The following TOM1L2 variants were observed in gnomAD, a reference collection of about 807,000 sequenced individuals.
TOM1L2 encodes target of myb1 like 2 membrane trafficking protein.
A neutral mutation model predicts 67.9 loss-of-function variants in TOM1L2; 31 were observed. That is an observed-to-expected ratio of 0.46 (90% confidence interval 0.34 to 0.62). The LOEUF (loss-of-function observed/expected upper bound fraction) is 0.62. TOM1L2 is among the 20% of genes least tolerant of loss of function. The pLI is 0.01. For missense variants in TOM1L2, 606 were observed against 663.5 expected (o/e 0.91, Z 0.95); for synonymous variants, 256 against 254.0 (o/e 1.01, Z -0.07).
chr17:17,955,881 A>C (rs1718995624), intron 1 of TOM1L2, among the ~76,000 whole-genome samples: 1 of 151,996 alleles, frequency 6.6e-6, no homozygotes, highest in African/African-American at 2.4e-5. Context: ...GAAGCTGCAG[A>C]CCTTCGCGGT....
intron 1 of TOM1L2, among the ~76,000 whole-genome samples, chr17:17,914,186 A>G (rs1406189702): frequency 3.3e-5 from 5 of 152,184 alleles, no homozygotes; most frequent in Admixed American, 3.3e-4. Flanking sequence ...AGCTGCAGGA[A>G]GAGCAGGGGC....
Position 17,866,303 on chromosome 17 carries a change from T to C in TOM1L2, c.1077A>G (p.Ala359=). 1 of 1,612,688 alleles carries C rather than the reference T, an allele frequency of 6.2e-7. No homozygotes were observed. The highest frequency in any genetic ancestry group is 8.5e-7 in the Non-Finnish European group (1 of 1,179,476). Residue 359 remains alanine (A), a synonymous_variant, in exon 10 of 15, where the codon GCA becomes GCG. Coordinates refer to ENST00000379504, the MANE Select transcript of TOM1L2 (RefSeq NM_001082968.2). The stretch of plus-strand genomic sequence containing the variant: ...TCCCTGTGAGACACTCACCTAAGCC[T>C]GCAAGCTGGGAGGAGAGGGAAGATG... The part of the protein sequence containing the change: ...APPSSLSSQL[A]GLDLGTESVS...
chr17:17,965,640 C>T (rs2041847277), intron 1 of TOM1L2, among the ~76,000 whole-genome samples: 1 of 152,216 alleles, frequency 6.6e-6, no homozygotes, highest in Non-Finnish European at 1.5e-5. Flanking sequence ...AGCTCCCTCA[C>T]TGCTAGCTGT....
At chr17:17,950,582 C>T (rs1197879042) in intron 1 of TOM1L2, among the ~76,000 whole-genome samples, 8 of 152,118 alleles carry the variant, frequency 5.3e-5, no homozygotes. Flanking sequence ...TGCTCCCATT[C>T]TAATGAGAGT....
chr17:17,937,839 C>G (rs931285711), intron 1 of TOM1L2, among the ~76,000 whole-genome samples: 5 of 152,200 alleles, frequency 3.3e-5, no homozygotes, highest in African/African-American at 1.2e-4. Context: ...GGTTAGCACT[C>G]CACACTGGGC....
chr17:17,894,350 A>G (rs1306750533), intron 3 of TOM1L2, among the ~76,000 whole-genome samples: 1 of 152,188 alleles, frequency 6.6e-6, no homozygotes, highest in Non-Finnish European at 1.5e-5. Flanking sequence ...ACTCTTGACA[A>G]ATGGTTTGTG....
intron 1 of TOM1L2, among the ~76,000 whole-genome samples, chr17:17,956,701 G>A (rs1200912579): frequency 6.6e-6 from 1 of 152,224 alleles, no homozygotes; most frequent in Non-Finnish European, 1.5e-5. Context: ...CACTGCTGGG[G>A]GAATGGCACA....
intron 1 of TOM1L2, among the ~76,000 whole-genome samples, chr17:17,928,175 G>A (rs1200854851): frequency 1.3e-5 from 2 of 151,954 alleles, no homozygotes. Flanking sequence ...AAATCAGTAG[G>A]AGACAGCATA....
chr17:17,962,514 G>A (rs566051511), intron 1 of TOM1L2, among the ~76,000 whole-genome samples: 40 of 151,984 alleles, frequency 2.6e-4, no homozygotes, highest in African/African-American at 7.5e-4. Context: ...GGGTTTCACC[G>A]TGTTGCGCAG....
chr17:17,847,778 C>G lies in TOM1L2; in HGVS notation c.1381G>C (p.Asp461His), dbSNP rs1174232191. Residue 461 changes from aspartate to histidine, a missense_variant, in exon 15 of 15, where the codon GAT becomes CAT. Transcript: ENST00000379504. ...TTGGCTCTTTCTTCAAGGAATTTAT[C>G]AAACTCTGCAATACAAACCAAGGCA... is the stretch of plus-strand genomic sequence containing the variant. ...LEEGVTSEEF[D>H]KFLEERAKAA... 2 of 1,614,008 alleles carry G rather than the reference C, an allele frequency of 1.2e-6. No individual in the cohort carries two copies. The highest frequency in any genetic ancestry group is 8.5e-7 in the Non-Finnish European group (1 of 1,179,996).
At chr17:17,934,564 G>GTGTTT (rs372509876) in intron 1 of TOM1L2, among the ~76,000 whole-genome samples, 309 of 152,308 alleles carry the variant, frequency 2.0e-3, no homozygotes, top group African/African-American at 6.1e-3. Context: ...ATGTCTTACT[G>GTGTTT]TGTTTTGTTT....
intron 2 of TOM1L2, among the ~76,000 whole-genome samples, chr17:17,900,463 A>C (rs945594647): frequency 1.3e-5 from 2 of 149,346 alleles, no homozygotes; most frequent in African/African-American, 5.0e-5. Context: ...TGAAGGTTGC[A>C]GTGAGCTGAG....
chr17:17,946,855 G>T (rs536848971), intron 1 of TOM1L2, among the ~76,000 whole-genome samples: 9 of 152,236 alleles, frequency 5.9e-5, no homozygotes, highest in African/African-American at 1.9e-4. Context: ...CTCCCAAGCA[G>T]CTGGGACTAC....
chr17:17,899,936 C>A (rs1288969898), intron 2 of TOM1L2, among the ~76,000 whole-genome samples: 1 of 109,198 alleles, frequency 9.2e-6, no homozygotes, highest in Non-Finnish European at 2.3e-5. Context: ...CTGGGCCGGG[C>A]ATGGTGGCTC....
At chr17:17,910,519 G>C (rs1327604755) in intron 1 of TOM1L2, among the ~76,000 whole-genome samples, 2 of 152,136 alleles carry the variant, frequency 1.3e-5, no homozygotes, top group African/African-American at 4.8e-5. Flanking sequence ...TGCCCCAGAG[G>C]TTCTACTTTG....
intron 1 of TOM1L2, among the ~76,000 whole-genome samples, chr17:17,912,311 G>A (rs1303348368): frequency 6.6e-6 from 1 of 151,668 alleles, no homozygotes; most frequent in East Asian, 1.9e-4. Context: ...CTCCCGGACG[G>A]GGTGGCTGCC....
chr17:17,960,680 T>C (rs1413843723), intron 1 of TOM1L2, among the ~76,000 whole-genome samples: 1 of 152,082 alleles, frequency 6.6e-6, no homozygotes. Context: ...TCTTTTAAAA[T>C]ATGACTGACA....
At chr17:17,962,788 A>G (rs1251060513) in intron 1 of TOM1L2, among the ~76,000 whole-genome samples, 1 of 151,926 alleles carries the variant, frequency 6.6e-6, no homozygotes, top group Non-Finnish European at 1.5e-5. Context: ...GTGAAACCCT[A>G]TCTCTACTAA....
chr17:17,908,651 G>T (rs747952288), intron 1 of TOM1L2, among the ~76,000 whole-genome samples: 9 of 152,158 alleles, frequency 5.9e-5, no homozygotes, highest in African/African-American at 9.7e-5. Flanking sequence ...TTTCTCCAAA[G>T]AAGATATATA....
Sources: gnomAD v4.1 joint callset for allele counts (sites outside exome capture counted in the v4.1 genomes callset) on GRCh38, gnomAD v4.1.1 for gene constraint, MANE v1.5 for transcripts, NCBI Gene and HGNC (gene_info 2026-07-23, HGNC 2026-07-21) for gene names.